The following CACNA1H variants were observed in gnomAD, a reference collection of about 807,000 sequenced individuals.
CACNA1H encodes the protein calcium voltage-gated channel subunit alpha1 H, also known as voltage-dependent T-type calcium channel subunit alpha-1H.
CACNA1H carries 149 observed loss-of-function variants against 192.5 expected under a neutral mutation model. The observed-to-expected ratio is 0.77, with a 90% CI of 0.68 to 0.89. CACNA1H has a LOEUF of 0.89. CACNA1H is among the 40% of genes least tolerant of loss of function. CACNA1H has a pLI of 0.00. For synonymous variants in CACNA1H, 2,202 were observed against 1,475.2 expected, an observed-to-expected ratio of 1.49 and a Z score of -11.29; for missense variants, 4,257 against 3,423.5, an observed-to-expected ratio of 1.24 and a Z score of -6.08.
intron 9 of CACNA1H, among the ~76,000 whole-genome samples, chr16:1,203,547 C>T (rs1308527892): frequency 6.6e-6 from 1 of 152,154 alleles, no homozygotes; most frequent in Non-Finnish European, 1.5e-5. Context: ...ATGTTTGTGG[C>T]TGCTGTACCC....
chr16:1,215,688 C>G (rs916866507), intron 30 of CACNA1H, 95 bp downstream of exon 30: 15 of 988,186 alleles, frequency 1.5e-5, no homozygotes, highest in Non-Finnish European at 2.1e-5. Flanking sequence ...ACTCGTTTCT[C>G]TGGTCCCTCG....
At chr16:1,183,816 TC>T (rs1387370533) in intron 2 of CACNA1H, among the ~76,000 whole-genome samples, 2 of 152,250 alleles carry the variant, frequency 1.3e-5, no homozygotes, top group South Asian at 2.1e-4. Context: ...GTGGGGTCTG[TC>T]CCGTCCCACC....
chr16:1,210,445 C>T lies in CACNA1H; in HGVS notation c.3921C>T (p.Asn1307=), dbSNP rs377019810. ...DHVVLVFIFL[N]CVTIALERPD... Reference sequence around the variant, plus strand: ...TGGTCCTCGTCTTCATCTTCCTCAACTGCGTCACCATCGCCCTGGAGAGGC... The same window carrying T: ...TGGTCCTCGTCTTCATCTTCCTCAATTGCGTCACCATCGCCCTGGAGAGGC... The change falls in exon 19 of 35, where the codon AAC becomes AAT. Residue 1307 remains asparagine (N), a synonymous_variant. Transcript: ENST00000348261. 2 of 1,609,420 alleles carry T rather than the reference C, an allele frequency of 1.2e-6. No homozygotes were observed. The highest frequency in any genetic ancestry group is 2.7e-5 in the African/African-American group (2 of 74,668).
Position 1,153,732 on chromosome 16 carries a change from G to A in CACNA1H, c.-6G>A. ...CTGTCCTCTGCAGGTGCTGCCGGCC[G>A]CCACCATGACCGAGGGCGCACGGGC... On this transcript the variant is annotated 5_prime_UTR_variant, in exon 2 of 35. Coordinates refer to ENST00000348261, the MANE Select transcript of CACNA1H (RefSeq NM_021098.3). 4 of 1,204,880 alleles carry A rather than the reference G, an allele frequency of 3.3e-6. No individual in the cohort carries two copies. The highest frequency in any genetic ancestry group is 4.1e-6 in the Non-Finnish European group (4 of 970,916). 74.6% of individuals were successfully genotyped at this position (1,204,880 alleles called of 1,614,324 possible).
Position 1,221,289 on chromosome 16 carries a change from G to C in CACNA1H, c.*295G>C, listed in dbSNP as rs146123471. 1 of 425,938 alleles carries C rather than the reference G, an allele frequency of 2.3e-6. No individual in the cohort carries two copies. Among genetic ancestry groups the C allele is most frequent in the Non-Finnish European group, 4.1e-6 (1 of 241,334 alleles). The allele number at this position is 425,938 out of a possible 1,614,324, so 26.4% of individuals were successfully genotyped here. A position where few individuals can be genotyped will look rare whatever the true frequency, so the allele number is the denominator to read the frequency against. On this transcript the variant is annotated 3_prime_UTR_variant, in exon 35 of 35. Coordinates refer to ENST00000348261, the MANE Select transcript of CACNA1H (RefSeq NM_021098.3). ...AGGAGAGAAGCCGCGTCTGTGGGAC[G>C]AAGACCGGGCACCCGCCAGAGAGGG...
At chr16:1,218,819 G>A in intron 33 of CACNA1H, 151 bp from the exon 34 acceptor site, 2 of 1,087,028 alleles carry the variant, frequency 1.8e-6, no homozygotes, top group Non-Finnish European at 2.7e-6. Context: ...AGATTGAGGA[G>A]GCTGGGTGTG....
chr16:1,215,320 G>A lies in CACNA1H; in HGVS notation c.5118G>A (p.Ala1706=), dbSNP rs777120591. 26 of 1,611,378 alleles carry A rather than the reference G, an allele frequency of 1.6e-5. No homozygotes were observed. The highest frequency in any genetic ancestry group is 3.3e-5 in the Admixed American group (2 of 59,832). ...TGGAGGAGATAGAGATGAGCGCCGC[G>A]CTGCCCATCAACCCCACCATCATCC... ...ITLEEIEMSA[A]LPINPTIIRI... The change falls in exon 29 of 35, where the codon GCG becomes GCA. Residue 1706 remains alanine, a synonymous_variant. Coordinates refer to ENST00000348261, the MANE Select transcript of CACNA1H (RefSeq NM_021098.3).
rs1567509654 is a variant in CACNA1H, at chr16:1,200,800, C to T, written c.1204C>T (p.Leu402Phe). ...CTACAACTTCATCTATTTCATCCTG[C>T]TCATCATCGTGAGTGTGGGCGGCAG... Reference protein sequence around the residue: ...SFYNFIYFILLIIVGSFFMIN... With the variant: ...SFYNFIYFILFIIVGSFFMIN... Residue 402 changes from leucine to phenylalanine, a missense_variant, in exon 8 of 35, where the codon CTC (leucine) becomes TTC (phenylalanine). By Grantham distance (22) the Leu-to-Phe change is conservative. Transcript: ENST00000348261. 7.1e-6 allele frequency: 11 copies of T among 1,551,410 alleles called. No homozygotes were observed. Among genetic ancestry groups the T allele is most frequent in the East Asian group, 4.9e-5 (2 of 40,974 alleles).
At chr16:1,166,047 A>G (rs1963737215) in intron 2 of CACNA1H, among the ~76,000 whole-genome samples, 1 of 152,056 alleles carries the variant, frequency 6.6e-6, no homozygotes, top group Non-Finnish European at 1.5e-5. Context: ...ACACATTCCC[A>G]TTTGTGACTT....
At chr16:1,154,073 G>A in intron 2 of CACNA1H, 37 bp downstream of exon 2, 1 of 774,486 alleles carries the variant, frequency 1.3e-6, no homozygotes, top group Non-Finnish European at 1.7e-6. Flanking sequence ...GGGGGCGGGG[G>A]GCGTGGGGAG....
In CACNA1H at chr16:1,201,939, G is replaced by A. The variant is rs1298822595; in HGVS notation, c.1489G>A (p.Gly497Ser). 3 of 1,548,628 alleles carry A rather than the reference G, an allele frequency of 1.9e-6. No homozygotes were observed. The highest frequency in any genetic ancestry group is 2.6e-6 in the Non-Finnish European group (3 of 1,146,150). The change falls in exon 9 of 35, where the codon GGC (glycine) becomes AGC (serine). Residue 497 changes from glycine to serine, a missense_variant. Gly to Ser is a moderately conservative substitution (Grantham distance 56). Coordinates refer to ENST00000348261, the MANE Select transcript of CACNA1H (RefSeq NM_021098.3). ...GAAGGTGGACCCCAGTGCTGTGCAA[G>A]GCCAGGGTCCCGGGCACCGCCAGCG... ...RKKVDPSAVQ[G>S]QGPGHRQRRA...
intron 23 of CACNA1H, 27 bp from the exon 24 acceptor site, chr16:1,211,689 G>A (rs771112392): frequency 2.3e-5 from 37 of 1,612,170 alleles, no homozygotes; most frequent in East Asian, 2.0e-4. Context: ...TCTAACCCTC[G>A]CCAGTGACCC....
chr16:1,196,101 C>A lies in CACNA1H; in HGVS notation c.643+78C>A. The A allele has an allele frequency of 2.6e-6, 3 of 1,147,296 alleles. No individual in the cohort carries two copies. In the South Asian group the frequency reaches 3.7e-5, roughly 14 times the overall value. The allele number at this position is 1,147,296 out of a possible 1,614,324, so 71.1% of individuals were successfully genotyped here. On this transcript the variant is annotated intron_variant, in intron 5 of 34. Transcript: ENST00000348261. ...AGCCCTGCAGAGCTCTCAAAAGGGC[C>A]CCCAGGAGCACAGGACTGGGAAATG...
At chr16:1,199,521 T>C (rs113672840) in intron 6 of CACNA1H, among the ~76,000 whole-genome samples, 1,772 of 112,018 alleles carry the variant, frequency 0.016, 215 homozygotes, top group African/African-American at 0.024. Context: ...CCCCCAGTGC[T>C]GCCACCTCTC....
intron 2 of CACNA1H, among the ~76,000 whole-genome samples, chr16:1,183,107 G>A (rs949764789): frequency 4.4e-5 from 6 of 136,096 alleles, no homozygotes; most frequent in African/African-American, 1.6e-4. Context: ...GGTGGGACAC[G>A]GTGGGGCCCC....
In CACNA1H at chr16:1,168,450, G is replaced by T. The variant is rs1173097169; in HGVS notation, c.299+14414G>T. On this transcript the variant is annotated intron_variant, in intron 2 of 34. Transcript: ENST00000348261. The stretch of plus-strand genomic sequence containing the variant: ...CGGGGAGGCTGCTGGACTTGTGATT[G>T]TGGCTCCTGCTTGGGCTGCTCTGGG... Among the ~76,000 whole-genome samples, 5 of 152,166 alleles carry T rather than the reference G, an allele frequency of 3.3e-5. No homozygotes were observed. The East Asian group carries it at 9.7e-4, about 30-fold the overall frequency.
At chr16:1,203,901 C>G (rs1017338820) in intron 9 of CACNA1H, 109 bp from the exon 10 acceptor site, 2 of 777,130 alleles carry the variant, frequency 2.6e-6, no homozygotes, top group Non-Finnish European at 4.0e-6. Flanking sequence ...CTGGATGGAT[C>G]TTTCTGGGGG....
chr16:1,198,459 G>A (rs1456622731), intron 5 of CACNA1H, among the ~76,000 whole-genome samples, 156 bp from the exon 6 acceptor site: 3 of 152,070 alleles, frequency 2.0e-5, no homozygotes, highest in East Asian at 1.9e-4. Context: ...CTAGGGGTGC[G>A]GGAAAATCAC....
intron 2 of CACNA1H, among the ~76,000 whole-genome samples, chr16:1,161,686 TGA>T (rs1963215597): frequency 6.6e-6 from 1 of 152,036 alleles, no homozygotes; most frequent in Admixed American, 6.5e-5. Context: ...AGCAGGCGGG[TGA>T]GAGAAGGGGC....
Sources: gnomAD v4.1 joint callset for allele counts (sites outside exome capture counted in the v4.1 genomes callset) on GRCh38, gnomAD v4.1.1 for gene constraint, MANE v1.5 for transcripts, NCBI Gene and HGNC (gene_info 2026-07-23, HGNC 2026-07-21) for gene names.